The following CHL1 variants were observed in gnomAD, a reference collection of about 807,000 sequenced individuals.
The protein encoded by CHL1 is neural cell adhesion molecule L1-like protein.
Under a neutral mutation model 141.9 loss-of-function variants are expected in CHL1, and 96 were observed. That is an observed-to-expected ratio of 0.68 (90% CI 0.57 to 0.80). CHL1 has a LOEUF of 0.80. Among genes scored for constraint, CHL1 ranks in the 30% least tolerant of loss-of-function variants. The pLI is 0.00. For synonymous variants in CHL1, 613 were observed against 502.2 expected, an observed-to-expected ratio of 1.22 and a Z score of -2.95; for missense variants, 1,820 against 1,457.2, an observed-to-expected ratio of 1.25 and a Z score of -4.05.
At chr3:330,857 C>T (rs1434678274) in intron 5 of CHL1, among the ~76,000 whole-genome samples, 1 of 152,124 alleles carries the variant, frequency 6.6e-6, no homozygotes, top group Non-Finnish European at 1.5e-5. Flanking sequence ...CATTATGGTT[C>T]TGTGCAGGGT....
At chr3:298,873 G>A (rs1698451918) in intron 2 of CHL1, among the ~76,000 whole-genome samples, 1 of 152,148 alleles carries the variant, frequency 6.6e-6, no homozygotes, top group Non-Finnish European at 1.5e-5. Flanking sequence ...ATCAACACCA[G>A]AGATAATGTG....
chr3:298,226 G>A (rs987064578), intron 2 of CHL1, among the ~76,000 whole-genome samples: 2 of 152,176 alleles, frequency 1.3e-5, no homozygotes, highest in African/African-American at 4.8e-5. Flanking sequence ...ACTGGAACCT[G>A]AGATAATACA....
At chr3:246,003 G>A (rs1029347148) in intron 2 of CHL1, among the ~76,000 whole-genome samples, 4 of 152,058 alleles carry the variant, frequency 2.6e-5, no homozygotes, top group African/African-American at 9.7e-5. Flanking sequence ...ATGGTTTGAA[G>A]TATATTCTAA....
At chr3:312,357 T>A (rs1699823789) in intron 2 of CHL1, among the ~76,000 whole-genome samples, 1 of 152,238 alleles carries the variant, frequency 6.6e-6, no homozygotes, top group Non-Finnish European at 1.5e-5. Context: ...AGTGTTTGAA[T>A]GGATATGGCT....
chr3:313,721 G>A (rs1300103970), intron 2 of CHL1, among the ~76,000 whole-genome samples: 1 of 152,146 alleles, frequency 6.6e-6, no homozygotes, highest in Non-Finnish European at 1.5e-5. Flanking sequence ...TTAACCATTT[G>A]TATGCATTGT....
intron 15 of CHL1, chr3:376,264 T>G (rs893801396): frequency 2.5e-6 from 1 of 396,026 alleles, no homozygotes; most frequent in African/African-American, 2.1e-5. Context: ...ACCCCGTGTG[T>G]GATTTTCTGT....
chr3:306,664 C>T (rs1044277791), intron 2 of CHL1, among the ~76,000 whole-genome samples: 20 of 151,656 alleles, frequency 1.3e-4, no homozygotes, highest in African/African-American at 4.4e-4. Flanking sequence ...AAATTTGTCT[C>T]AGAGAATGGA....
intron 1 of CHL1, among the ~76,000 whole-genome samples, chr3:202,529 T>C (rs937845068): frequency 6.6e-6 from 1 of 152,226 alleles, no homozygotes; most frequent in African/African-American, 2.4e-5. Context: ...CCCAAATCAA[T>C]TCAATTACAG....
intron 19 of CHL1, among the ~76,000 whole-genome samples, chr3:385,084 T>C (rs1707516032): frequency 6.6e-6 from 1 of 152,244 alleles, no homozygotes; most frequent in South Asian, 2.1e-4. Flanking sequence ...TTATAGTTAC[T>C]ACTACATTGT....
chr3:283,784 C>G (rs1696875823), intron 2 of CHL1, among the ~76,000 whole-genome samples: 1 of 152,088 alleles, frequency 6.6e-6, no homozygotes, highest in Non-Finnish European at 1.5e-5. Context: ...TTGTAACAAC[C>G]AAAAATGTCT....
chr3:254,321 C>G (rs1693965159), intron 2 of CHL1, among the ~76,000 whole-genome samples: 1 of 152,124 alleles, frequency 6.6e-6, no homozygotes, highest in Non-Finnish European at 1.5e-5. Context: ...ACTCTTCTTC[C>G]CAGGGAAACC....
At chr3:260,736 T>TA (rs1253162358) in intron 2 of CHL1, among the ~76,000 whole-genome samples, 1 of 152,174 alleles carries the variant, frequency 6.6e-6, no homozygotes, top group African/African-American at 2.4e-5. Context: ...AAAGTCTACA[T>TA]AAAAACCTTC....
At chr3:403,803 T>A (rs773486223) in intron 27 of CHL1, among the ~76,000 whole-genome samples, 54 of 152,312 alleles carry the variant, frequency 3.5e-4, no homozygotes, top group Admixed American at 2.4e-3. Flanking sequence ...TTGTCTACTT[T>A]CCACATTATC....
At chr3:206,104 A>G (rs1226339327) in intron 1 of CHL1, among the ~76,000 whole-genome samples, 1 of 152,236 alleles carries the variant, frequency 6.6e-6, no homozygotes, top group Non-Finnish European at 1.5e-5. Flanking sequence ...AAAAGTAGAC[A>G]TAAAGGAATC....
In CHL1 at chr3:291,590, G is replaced by C. The variant is rs114190771; in HGVS notation, c.-94-28093G>C. On this transcript the variant is annotated intron_variant, in intron 2 of 27. Coordinates refer to ENST00000256509, the MANE Select transcript of CHL1 (RefSeq NM_006614.4). ...TAAAACCTACAAAGTAAGTAATTTG[G>C]TTCATATAAGCAGGCAAGTAATAAA... 2.9e-3 allele frequency among the ~76,000 whole-genome samples: 438 copies of C among 151,580 alleles called. 1 individual carries two copies. Among genetic ancestry groups the C allele is most frequent in the Admixed American group, 5.1e-3 (78 of 15,256 alleles).
intron 3 of CHL1, among the ~76,000 whole-genome samples, chr3:322,984 T>C (rs1008422712): frequency 2.0e-5 from 3 of 152,046 alleles, no homozygotes. Flanking sequence ...TTGGAATACA[T>C]ACTTTCTAAC....
chr3:370,752 A>C (rs573180877), intron 15 of CHL1, among the ~76,000 whole-genome samples: 5 of 152,262 alleles, frequency 3.3e-5, no homozygotes, highest in African/African-American at 1.2e-4. Flanking sequence ...TAGTGCTATA[A>C]ATTTCCCTCT....
At chr3:402,088 C>T (rs992408973) in intron 27 of CHL1, among the ~76,000 whole-genome samples, 1 of 152,200 alleles carries the variant, frequency 6.6e-6, no homozygotes, top group African/African-American at 2.4e-5. Flanking sequence ...AAGTAAGTTA[C>T]AAACCCTGTC....
chr3:330,119 A>G lies in CHL1; in HGVS notation c.385+1765A>G, dbSNP rs1701321992. 2.0e-5 allele frequency among the ~76,000 whole-genome samples: 3 copies of G among 152,122 alleles called. 1 individual carries two copies. The South Asian group carries it at 6.2e-4, about 31-fold the overall frequency. On this transcript the variant is annotated intron_variant, in intron 5 of 27. Transcript: ENST00000256509. Reference sequence around the variant, plus strand: ...CACATGGGGTAAAAGGTTATATTTGATGATATATTGGGCTATGAGGAAAAT... The same window carrying G: ...CACATGGGGTAAAAGGTTATATTTGGTGATATATTGGGCTATGAGGAAAAT...
Sources: gnomAD v4.1 joint callset for allele counts (sites outside exome capture counted in the v4.1 genomes callset) on GRCh38, gnomAD v4.1.1 for gene constraint, MANE v1.5 for transcripts, NCBI Gene and HGNC (gene_info 2026-07-23, HGNC 2026-07-21) for gene names.